KCNQ1: variants seen among roughly 807,000 people sequenced by gnomAD.
The protein encoded by KCNQ1 is potassium voltage-gated channel subfamily Q member 1.
KCNQ1 carries 49 observed loss-of-function variants against 72.4 expected under a neutral mutation model. The observed-to-expected ratio is 0.68, with a 90% confidence interval of 0.54 to 0.86. KCNQ1 has a LOEUF of 0.86. KCNQ1 is among the 40% of genes least tolerant of loss of function. The pLI is 0.00. For synonymous variants in KCNQ1, 450 were observed against 412.6 expected (o/e 1.09, Z -1.10); for missense variants, 790 against 945.1 (o/e 0.84, Z 2.15).
chr11:2,733,826 T>TCTCA (rs1564875342), intron 11 of KCNQ1, among the ~76,000 whole-genome samples: 53 of 30,004 alleles, frequency 1.8e-3, no homozygotes, highest in Non-Finnish European at 3.0e-3. Context: ...TCTCTCACTC[T>TCTCA]CTCTCTCTCT....
In KCNQ1 at chr11:2,566,533, G is replaced by A. The variant is rs1463753877; in HGVS notation, c.478-4095G>A. ...GTGGGTCTGTGTTTGCTCTGTGCAC[G>A]TCTCGGTGCCCAGATCTGAGGCCCT... On this transcript the variant is annotated intron_variant, in intron 2 of 15. Coordinates refer to ENST00000155840, the MANE Select transcript of KCNQ1 (RefSeq NM_000218.3). The surrounding 1 kb of genome is among the most constrained non-coding windows in gnomAD (Gnocchi z 6.7). 1.3e-5 allele frequency among the ~76,000 whole-genome samples: 2 copies of A among 152,144 alleles called. No homozygotes were observed. Among genetic ancestry groups the A allele is most frequent in the South Asian group, 2.1e-4 (1 of 4,820 alleles).
rs899547336 is a variant in KCNQ1, at chr11:2,661,214, C to T, written c.1394-747C>T. 1 of 398,548 alleles carries T rather than the reference C, an allele frequency of 2.5e-6. No homozygotes were observed. The highest frequency in any genetic ancestry group is 2.1e-5 in the African/African-American group (1 of 48,602). 24.7% of individuals were successfully genotyped at this position (398,548 alleles called of 1,614,324 possible). A position where few individuals can be genotyped will look rare whatever the true frequency, so the allele number is the denominator to read the frequency against. On this transcript the variant is annotated intron_variant, in intron 10 of 15. Transcript: ENST00000155840. The surrounding 1 kb of genome is among the most constrained non-coding windows in gnomAD (Gnocchi z 5.9). ...CATTGTGAATCTTTGAATTATTCCA[C>T]TTCTCACAGATGAGTACTTAATCCT...
Position 2,820,114 on chromosome 11 carries a change from C to A in KCNQ1, c.1795-27653C>A, listed in dbSNP as rs117136235. Among the ~76,000 whole-genome samples, 773 of 152,066 alleles carry A rather than the reference C, an allele frequency of 5.1e-3. 9 individuals carry two copies. The highest frequency in any genetic ancestry group is 7.4e-3 in the Non-Finnish European group (506 of 67,966). On this transcript the variant is annotated intron_variant, in intron 15 of 15. Coordinates refer to ENST00000155840, the MANE Select transcript of KCNQ1 (RefSeq NM_000218.3). ...TTCCTTTGACTTTGTTCATTCTTTT[C>A]TTTGTATTTGTTTTGGTGTTCTTTT...
chr11:2,662,672 GCTGGGGTGCC>G (rs1849984960), intron 11 of KCNQ1: 3 of 405,194 alleles, frequency 7.4e-6, no homozygotes, highest in African/African-American at 6.2e-5. Context: ...GTGACTCCCC[GCTGGGGTGCC>G]CAGCGGTGAC....
chr11:2,550,213 G>C lies in KCNQ1; in HGVS notation c.478-20415G>C, dbSNP rs757764897. ...TCCCCCGCCTCTCTTTGCCGTTGCC[G>C]GGACTGGGCCGTGTGCCTGGAGTTT... On this transcript the variant is annotated intron_variant, in intron 2 of 15. Transcript: ENST00000155840. The surrounding 1 kb of genome is among the most constrained non-coding windows in gnomAD (Gnocchi z 6.0). Among the ~76,000 whole-genome samples, 2 of 152,238 alleles carry C rather than the reference G, an allele frequency of 1.3e-5. No homozygotes were observed. The highest frequency in any genetic ancestry group is 4.8e-5 in the African/African-American group (2 of 41,462).
intron 10 of KCNQ1, chr11:2,635,265 G>A (rs1296618105): frequency 2.6e-5 from 4 of 152,294 alleles, no homozygotes; most frequent in African/African-American, 9.6e-5. Flanking sequence ...CCATGCCTAT[G>A]TCCTGAATGG....
intron 11 of KCNQ1, among the ~76,000 whole-genome samples, chr11:2,700,936 C>T (rs1461036753): frequency 6.6e-6 from 1 of 152,246 alleles, no homozygotes; most frequent in Non-Finnish European, 1.5e-5. Flanking sequence ...AAGTTCACAC[C>T]CTGAGGCTTC....
intron 11 of KCNQ1, among the ~76,000 whole-genome samples, chr11:2,717,850 C>T (rs1043488419): frequency 4.6e-5 from 7 of 152,150 alleles, no homozygotes; most frequent in African/African-American, 1.7e-4. Flanking sequence ...GAGGAACCCC[C>T]TCTCCCCCGA....
Position 2,623,433 on chromosome 11 carries a change from TC to T in KCNQ1, c.1393+34583del, listed in dbSNP as rs1169043270. 1 of 398,444 alleles carries T rather than the reference TC, an allele frequency of 2.5e-6. No individual in the cohort carries two copies. Among genetic ancestry groups the T allele is most frequent in the Non-Finnish European group, 4.4e-6 (1 of 226,068 alleles). The allele number at this position is 398,444 out of a possible 1,614,324, so 24.7% of individuals were successfully genotyped here. A position where few individuals can be genotyped will look rare whatever the true frequency, so the allele number is the denominator to read the frequency against. ...TGTGCACTGCCTATTCAACCCTTCT[TC>T]CCCAACAACCCTTGGCAACCACTGA... On this transcript the variant is annotated intron_variant, in intron 10 of 15. Transcript: ENST00000155840. This position sits in a 1 kb window ranked among gnomAD's most constrained non-coding sequence, Gnocchi z 5.2.
chr11:2,847,032 G>A (rs1022833379), intron 15 of KCNQ1, among the ~76,000 whole-genome samples: 5 of 152,208 alleles, frequency 3.3e-5, no homozygotes, highest in African/African-American at 1.2e-4. Context: ...GATGGTGTCT[G>A]GGAAAATAGT....
rs1226869086 is a variant in KCNQ1, at chr11:2,720,470, C to T, written c.1515-48374C>T. On this transcript the variant is annotated intron_variant, in intron 11 of 15. Transcript: ENST00000155840. This position sits in a 1 kb window ranked among gnomAD's most constrained non-coding sequence, Gnocchi z 5.1. ...TCAAGAAGGCCTCTCGAAGCAGAGG[C>T]AGCCCCCTCGAAGCTCACCTGGCCT... Among the ~76,000 whole-genome samples the T allele has an allele frequency of 6.6e-6, 1 of 152,202 alleles. No individual in the cohort carries two copies.
intron 1 of KCNQ1, among the ~76,000 whole-genome samples, chr11:2,452,987 GCCTGGAATTCTTTAC>G: frequency 6.6e-6 from 1 of 152,284 alleles, no homozygotes; most frequent in South Asian, 2.1e-4. Flanking sequence ...TAAAGAAAGC[GCCTGGAATTCTTTAC>G]CCTGAGAGCG....
rs574396364 is a variant in KCNQ1, at chr11:2,516,884, G to T, written c.387-11044G>T. Among the ~76,000 whole-genome samples, 1 of 152,042 alleles carries T rather than the reference G, an allele frequency of 6.6e-6. No individual in the cohort carries two copies. Among genetic ancestry groups the T allele is most frequent in the African/African-American group, 2.4e-5 (1 of 41,476 alleles). Reference sequence around the variant, plus strand: ...CCTGATCTCTCCCCCACCTTGCCACGACCCCCCAGAGTTTGCCTGGTGTCA... The same window carrying T: ...CCTGATCTCTCCCCCACCTTGCCACTACCCCCCAGAGTTTGCCTGGTGTCA... On this transcript the variant is annotated intron_variant, in intron 1 of 15. Coordinates refer to ENST00000155840, the MANE Select transcript of KCNQ1 (RefSeq NM_000218.3). The surrounding 1 kb of genome is among the most constrained non-coding windows in gnomAD (Gnocchi z 7.0).
chr11:2,466,020 G>T (rs1034536647), intron 1 of KCNQ1, among the ~76,000 whole-genome samples: 1 of 152,248 alleles, frequency 6.6e-6, no homozygotes, highest in African/African-American at 2.4e-5. Flanking sequence ...TTCAGGGCCT[G>T]CATGAGTGTT....
At chr11:2,514,390 C>T (rs1301093466) in intron 1 of KCNQ1, among the ~76,000 whole-genome samples, 1 of 152,196 alleles carries the variant, frequency 6.6e-6, no homozygotes, top group East Asian at 1.9e-4. Context: ...TGCCGGGTGC[C>T]CTTGACGCAT....
chr11:2,609,160 T>G, intron 10 of KCNQ1: 1 of 398,328 alleles, frequency 2.5e-6, no homozygotes, highest in Non-Finnish European at 4.4e-6. Flanking sequence ...TAGGCATTCA[T>G]AGCTATAAAA....
Position 2,733,814 on chromosome 11 carries a change from A to ACACACACACACACTCTCT in KCNQ1, c.1515-35029_1515-35028insACACACACACACTCTCTC. 4.4e-4 allele frequency among the ~76,000 whole-genome samples: 38 copies of ACACACACACACACTCTCT among 86,642 alleles called. 1 individual carries two copies. Among genetic ancestry groups the ACACACACACACACTCTCT allele is most frequent in the African/African-American group, 8.1e-4 (19 of 23,576 alleles). 56.8% of individuals were successfully genotyped at this position (86,642 alleles called of 152,430 possible). The stretch of plus-strand genomic sequence containing the variant: ...CACACACACACACACACACACACAC[A>ACACACACACACACTCTCT]CTCTCTCACTCTCTCTCTCTCTCTC... On this transcript the variant is annotated intron_variant, in intron 11 of 15. Transcript: ENST00000155840.
At chr11:2,717,466 T>G (rs10766311) in intron 11 of KCNQ1, among the ~76,000 whole-genome samples, 3 of 152,062 alleles carry the variant, frequency 2.0e-5, no homozygotes, top group Admixed American at 2.0e-4. Context: ...ATTCTTCCCT[T>G]CCTGTTTCCC....
chr11:2,719,704 C>G (rs67886747), intron 11 of KCNQ1, among the ~76,000 whole-genome samples: 34,302 of 152,090 alleles, frequency 0.23, 4,463 homozygotes, highest in African/African-American at 0.35. Flanking sequence ...GTAGGAAGTC[C>G]TGCCCTCGGA....
Sources: allele counts gnomAD v4.1 joint callset (sites outside exome capture counted in the v4.1 genomes callset), GRCh38; gene constraint gnomAD v4.1.1; non-coding constraint Gnocchi (gnomAD v3.1); transcripts MANE v1.5; gene names NCBI Gene and HGNC (gene_info 2026-07-23, HGNC 2026-07-21).